Variants in SOX5 observed in about 807,000 individuals in gnomAD.
The protein encoded by SOX5 is SRY-box transcription factor 5, also known as transcription factor SOX-5.
In SOX5, 9 loss-of-function variants were observed where a neutral mutation model predicts 92.0. The ratio of observed to expected loss-of-function variants is 0.10; its 90% CI spans 0.06 to 0.17. SOX5 has a LOEUF of 0.17. SOX5 is among the 10% of genes least tolerant of loss of function. SOX5 has a pLI of 1.00. For synonymous variants in SOX5, 344 were observed against 336.3 expected (o/e 1.02, Z -0.25); for missense variants, 642 against 944.5 (o/e 0.68, Z 4.20).
intron 6 of SOX5, among the ~76,000 whole-genome samples, chr12:23,679,209 C>A (rs2086185000): frequency 6.6e-6 from 1 of 152,100 alleles, no homozygotes; most frequent in South Asian, 2.1e-4. Context: ...TAAATGTAGA[C>A]AGCACTTAGA....
intron 8 of SOX5, among the ~76,000 whole-genome samples, chr12:23,640,605 C>T (rs778333600): frequency 9.9e-5 from 15 of 151,996 alleles, no homozygotes; most frequent in Non-Finnish European, 1.8e-4. Context: ...AAAAGAAATA[C>T]GATAAGCTAT....
chr12:24,369,516 T>C (rs1267039769), intron 1 of SOX5, among the ~76,000 whole-genome samples: 4 of 152,208 alleles, frequency 2.6e-5, no homozygotes, highest in Admixed American at 1.3e-4. Flanking sequence ...CACACATCGA[T>C]GCCTGGAAAG....
intron 9 of SOX5, among the ~76,000 whole-genome samples, chr12:23,593,947 TG>T (rs1951957544): frequency 1.3e-5 from 2 of 152,180 alleles, no homozygotes; most frequent in African/African-American, 2.4e-5. Flanking sequence ...TTTTTTCTTA[TG>T]TGACTTGTTT....
intron 6 of SOX5, among the ~76,000 whole-genome samples, chr12:23,701,453 T>C (rs943324531): frequency 2.0e-5 from 3 of 152,080 alleles, no homozygotes; most frequent in African/African-American, 7.2e-5. Flanking sequence ...TTTTCTCTCT[T>C]CACCATAAAC....
chr12:24,122,209 CT>C (rs1948699071), intron 4 of SOX5, among the ~76,000 whole-genome samples: 1 of 152,186 alleles, frequency 6.6e-6, no homozygotes, highest in Admixed American at 6.5e-5. Context: ...CGAAGCATTT[CT>C]TTGAAGAATT....
intron 4 of SOX5, among the ~76,000 whole-genome samples, chr12:24,059,928 G>A (rs1939342338): frequency 6.6e-6 from 1 of 152,084 alleles, no homozygotes; most frequent in Non-Finnish European, 1.5e-5. Context: ...AGTAGTATCA[G>A]ACAATAAAAA....
intron 1 of SOX5, among the ~76,000 whole-genome samples, chr12:24,510,822 A>T (rs1045998769): frequency 3.3e-5 from 5 of 152,248 alleles, no homozygotes; most frequent in Admixed American, 3.3e-4. Flanking sequence ...TCTTACACAC[A>T]TGAATCTAGA....
chr12:23,934,976 CA>C (rs1942240808), intron 1 of SOX5, among the ~76,000 whole-genome samples: 1 of 151,180 alleles, frequency 6.6e-6, no homozygotes, highest in African/African-American at 2.4e-5. Flanking sequence ...ACTAAGGTAT[CA>C]AGAAATCAGA....
chr12:23,869,500 A>G (rs2096850695), intron 2 of SOX5, among the ~76,000 whole-genome samples: 1 of 151,976 alleles, frequency 6.6e-6, no homozygotes, highest in Non-Finnish European at 1.5e-5. Context: ...CTGAAACCCC[A>G]CCAGCCTACC....
intron 4 of SOX5, among the ~76,000 whole-genome samples, chr12:24,183,126 A>G (rs1272952447): frequency 1.2e-4 from 18 of 152,214 alleles, no homozygotes; most frequent in Admixed American, 1.2e-3. Context: ...AGTACCAAAT[A>G]CAAGACAACC....
At chr12:24,063,807 A>G (rs532145421) in intron 4 of SOX5, among the ~76,000 whole-genome samples, 1 of 152,184 alleles carries the variant, frequency 6.6e-6, no homozygotes, top group Non-Finnish European at 1.5e-5. Context: ...TCTGCCACAT[A>G]CTTGCTCTGT....
chr12:24,198,436 G>C (rs1410684659), intron 4 of SOX5, among the ~76,000 whole-genome samples: 2 of 152,150 alleles, frequency 1.3e-5, no homozygotes, highest in Non-Finnish European at 2.9e-5. Flanking sequence ...TGAGCTGTTT[G>C]TGGGTATGCT....
chr12:23,843,790 C>T (rs1038000131), intron 3 of SOX5, among the ~76,000 whole-genome samples: 2 of 151,976 alleles, frequency 1.3e-5, no homozygotes. Context: ...TCTCAAACTC[C>T]TGAACTCAGG....
intron 4 of SOX5, among the ~76,000 whole-genome samples, chr12:24,198,089 T>C (rs988744396): frequency 6.6e-6 from 1 of 152,184 alleles, no homozygotes. Context: ...TTATTTATTA[T>C]TATTAATCTT....
At chr12:23,838,419 C>T (rs2096463228) in intron 3 of SOX5, among the ~76,000 whole-genome samples, 1 of 151,594 alleles carries the variant, frequency 6.6e-6, no homozygotes, top group African/African-American at 2.4e-5. Flanking sequence ...AAAAGTGAGT[C>T]TATTTATAGT....
intron 4 of SOX5, among the ~76,000 whole-genome samples, chr12:24,076,552 C>G (rs1255601671): frequency 6.6e-6 from 1 of 152,150 alleles, no homozygotes; most frequent in Non-Finnish European, 1.5e-5. Flanking sequence ...TTAAAGAAAA[C>G]TCTCCTATGT....
At chr12:24,461,209 CATT>C (rs773089679) in intron 1 of SOX5, among the ~76,000 whole-genome samples, 23 of 152,062 alleles carry the variant, frequency 1.5e-4, no homozygotes, top group Admixed American at 7.2e-4. Context: ...CAACAAGAAA[CATT>C]ATTTTGTAGG....
At chr12:23,595,631 A>AAAT (rs1952287058) in intron 9 of SOX5, among the ~76,000 whole-genome samples, 1 of 151,152 alleles carries the variant, frequency 6.6e-6, no homozygotes, top group African/African-American at 2.4e-5. Flanking sequence ...AAAAAAAAAA[A>AAAT]AAAAAAAAAA....
At chr12:23,733,959 T>C (rs1414377232) in intron 6 of SOX5, among the ~76,000 whole-genome samples, 1 of 152,132 alleles carries the variant, frequency 6.6e-6, no homozygotes, top group Non-Finnish European at 1.5e-5. Context: ...ATGATTTCTT[T>C]TAACCCTCAA....
Sources: gnomAD v4.1 joint callset for allele counts (sites outside exome capture counted in the v4.1 genomes callset) on GRCh38, gnomAD v4.1.1 for gene constraint, MANE v1.5 for transcripts, NCBI Gene and HGNC (gene_info 2026-07-23, HGNC 2026-07-21) for gene names.